PCSK5: variants seen among roughly 807,000 people sequenced by gnomAD.
PCSK5 encodes the protein prohormone convertase 5.
A neutral mutation model predicts 233.2 loss-of-function variants in PCSK5; 129 were observed. The ratio of observed to expected loss-of-function variants is 0.55; its 90% CI spans 0.48 to 0.64. The LOEUF (loss-of-function observed/expected upper bound fraction) is 0.64. Ranked by LOEUF, PCSK5 falls within the 30% of genes least tolerant of loss-of-function variation. The pLI, the probability that PCSK5 is intolerant of heterozygous loss-of-function variation, is 0.00. For synonymous variants in PCSK5, 825 were observed against 879.2 expected (o/e 0.94, Z 1.09); for missense variants, 2,076 against 2,430.1 (o/e 0.85, Z 3.06).
chr9:75,897,545 G>GT (rs1825864650), intron 1 of PCSK5, among the ~76,000 whole-genome samples: 1 of 148,142 alleles, frequency 6.8e-6, no homozygotes, highest in Non-Finnish European at 1.5e-5. Context: ...CCAGGCTGGA[G>GT]TGCAGTGGCA....
chr9:76,328,539 C>T (rs1829438240), intron 33 of PCSK5, among the ~76,000 whole-genome samples: 3 of 152,130 alleles, frequency 2.0e-5, no homozygotes, highest in African/African-American at 7.2e-5. Flanking sequence ...CTTCCTCTCA[C>T]TCTCTCAATG....
intron 24 of PCSK5, among the ~76,000 whole-genome samples, chr9:76,272,212 G>T (rs1207598546): frequency 1.3e-5 from 2 of 152,170 alleles, no homozygotes; most frequent in African/African-American, 4.8e-5. Context: ...ACTCACAATG[G>T]TTGAACAAGT....
At chr9:76,070,929 G>C (rs1587586989) in intron 6 of PCSK5, among the ~76,000 whole-genome samples, 2 of 152,140 alleles carry the variant, frequency 1.3e-5, no homozygotes, top group East Asian at 3.9e-4. Context: ...AATTTAAACT[G>C]AAGGAGAGAT....
At chr9:76,349,009 C>G (rs1021594613) in intron 35 of PCSK5, among the ~76,000 whole-genome samples, 3 of 151,852 alleles carry the variant, frequency 2.0e-5, no homozygotes, top group Admixed American at 2.0e-4. Context: ...TGGTGGCTCA[C>G]GCCTGTAATC....
chr9:76,000,155 C>T (rs1029726730), intron 3 of PCSK5, among the ~76,000 whole-genome samples: 1 of 152,074 alleles, frequency 6.6e-6, no homozygotes, highest in African/African-American at 2.4e-5. Context: ...AGGCTCCTCT[C>T]CATTTTTTTC....
intron 24 of PCSK5, among the ~76,000 whole-genome samples, chr9:76,276,453 T>C (rs1827690020): frequency 6.6e-6 from 1 of 152,168 alleles, no homozygotes; most frequent in South Asian, 2.1e-4. Context: ...TCCTGGCCTA[T>C]AAGATCCTAT....
chr9:75,944,731 T>C (rs1057105348), intron 2 of PCSK5, among the ~76,000 whole-genome samples: 1 of 152,198 alleles, frequency 6.6e-6, no homozygotes, highest in Non-Finnish European at 1.5e-5. Context: ...ACCATTATGC[T>C]GGTGTTCTTG....
At chr9:76,342,122 G>T (rs1829852234) in intron 35 of PCSK5, among the ~76,000 whole-genome samples, 1 of 151,986 alleles carries the variant, frequency 6.6e-6, no homozygotes, top group African/African-American at 2.4e-5. Flanking sequence ...TCTTTATTTT[G>T]TTTTCCTCTC....
Position 76,239,055 on chromosome 9 carries a change from GC to G in PCSK5, c.2966del (p.Pro989GlnfsTer17). The G allele has an allele frequency of 1.2e-6, 2 of 1,611,586 alleles. No homozygotes were observed. The highest frequency in any genetic ancestry group is 1.7e-6 in the Non-Finnish European group (2 of 1,179,400). On this transcript the variant is annotated frameshift_variant, in exon 23 of 38. Transcript: ENST00000674117. LOFTEE classifies it high-confidence loss of function. ...YATEGNTCLP[C>X]PDNCELCHSV... ...ACTGAGGGGAACACCTGCCTGCCCT[GC>G]CCAGACAACTGTGAGCTTTGCCACA... is the stretch of plus-strand genomic sequence containing the variant.
intron 27 of PCSK5, among the ~76,000 whole-genome samples, chr9:76,298,142 G>A (rs1477033204): frequency 6.6e-6 from 1 of 152,110 alleles, no homozygotes; most frequent in African/African-American, 2.4e-5. Flanking sequence ...TTTATCTGGC[G>A]TCCAGATGAT....
At chr9:75,914,702 C>G (rs535888048) in intron 1 of PCSK5, among the ~76,000 whole-genome samples, 1 of 152,242 alleles carries the variant, frequency 6.6e-6, no homozygotes, top group Non-Finnish European at 1.5e-5. Context: ...TTCTATTTCT[C>G]AGGATCCTCA....
At chr9:76,022,791 A>G (rs1828253717) in intron 3 of PCSK5, among the ~76,000 whole-genome samples, 1 of 152,186 alleles carries the variant, frequency 6.6e-6, no homozygotes, top group South Asian at 2.1e-4. Flanking sequence ...CTTCACACAC[A>G]TTGTCCTGTG....
intron 9 of PCSK5, among the ~76,000 whole-genome samples, chr9:76,115,684 A>G (rs1832395435): frequency 1.3e-5 from 2 of 152,164 alleles, no homozygotes; most frequent in African/African-American, 2.4e-5. Context: ...TTAGTTTCAC[A>G]TCATAGCCTG....
chr9:75,917,417 A>G (rs527723432), intron 1 of PCSK5, among the ~76,000 whole-genome samples: 37 of 152,352 alleles, frequency 2.4e-4, no homozygotes, highest in African/African-American at 8.2e-4. Context: ...TAGCAAATCT[A>G]TCTTGGTAAT....
chr9:76,229,003 G>A (rs1331150046), intron 21 of PCSK5, among the ~76,000 whole-genome samples: 1 of 152,070 alleles, frequency 6.6e-6, no homozygotes, highest in Non-Finnish European at 1.5e-5. Context: ...GAAAGAGGAA[G>A]GAAGAAAGGA....
intron 23 of PCSK5, 120 bp from the exon 24 acceptor site, chr9:76,240,496 C>T: frequency 1.4e-6 from 1 of 722,454 alleles, no homozygotes; most frequent in Non-Finnish European, 2.4e-6. Flanking sequence ...CGGTTTTGGG[C>T]TTCATAATTG....
chr9:76,040,288 A>G (rs1194101648), intron 5 of PCSK5, among the ~76,000 whole-genome samples: 1 of 151,102 alleles, frequency 6.6e-6, no homozygotes, highest in Non-Finnish European at 1.5e-5. Context: ...TAAGAGCATA[A>G]GCCAAGTAAG....
intron 27 of PCSK5, among the ~76,000 whole-genome samples, chr9:76,297,308 C>T (rs186554266): frequency 1.3e-3 from 191 of 152,312 alleles, no homozygotes; most frequent in African/African-American, 4.3e-3. Context: ...ATTAGACAAG[C>T]AAGAACTGCT....
chr9:76,008,607 G>C (rs528020460), intron 3 of PCSK5, among the ~76,000 whole-genome samples: 1 of 151,920 alleles, frequency 6.6e-6, no homozygotes, highest in African/African-American at 2.4e-5. Flanking sequence ...GATTACAAGC[G>C]TGAGCCGCCA....
Sources: gnomAD v4.1 joint callset for allele counts (sites outside exome capture counted in the v4.1 genomes callset) on GRCh38, gnomAD v4.1.1 for gene constraint, MANE v1.5 for transcripts, NCBI Gene and HGNC (gene_info 2026-07-23, HGNC 2026-07-21) for gene names.